Variants in CUX1 observed in about 807,000 individuals in gnomAD.
CUX1 encodes cut like homeobox 1.
In CUX1, 31 loss-of-function variants were observed where a neutral mutation model predicts 158.8. The ratio of observed to expected loss-of-function variants is 0.20; its 90% CI spans 0.15 to 0.26. CUX1 has a LOEUF of 0.26. CUX1 is among the 10% of genes least tolerant of loss of function. The pLI is 1.00. For synonymous variants in CUX1, 879 were observed against 862.1 expected, an observed-to-expected ratio of 1.02 and a Z score of -0.34; for missense variants, 1,589 against 2,014.6, an observed-to-expected ratio of 0.79 and a Z score of 4.04.
chr7:102,031,683 C>A (rs1265367526), intron 3 of CUX1, among the ~76,000 whole-genome samples: 2 of 152,044 alleles, frequency 1.3e-5, no homozygotes, highest in East Asian at 3.8e-4. Flanking sequence ...TTAAGGTATA[C>A]AACATGATGC....
intron 6 of CUX1, among the ~76,000 whole-genome samples, chr7:102,107,799 C>T (rs1459220880): frequency 6.6e-6 from 1 of 152,218 alleles, no homozygotes; most frequent in African/African-American, 2.4e-5. Flanking sequence ...TCTCTGCAGC[C>T]CTTGCCTCCC....
rs1317608241 is a variant in CUX1, at chr7:102,081,488, C to T, written c.268+11071C>T. On this transcript the variant is annotated intron_variant, in intron 4 of 23. Coordinates refer to ENST00000292535, the MANE Select transcript of CUX1 (RefSeq NM_181552.4). ...TATAAGTGTTTGGCAGTTCCACCTTCGCTCATCTCTCTCCTGCCACTTTGT... is the reference window on the plus strand; with the variant it reads ...TATAAGTGTTTGGCAGTTCCACCTTTGCTCATCTCTCTCCTGCCACTTTGT... 3.4e-5 allele frequency among the ~76,000 whole-genome samples: 5 copies of T among 146,916 alleles called. 1 individual carries two copies. Among genetic ancestry groups the T allele is most frequent in the Non-Finnish European group, 4.6e-5 (3 of 64,976 alleles).
chr7:101,985,526 ACCAGGAGAATGC>A (rs1267637205), intron 2 of CUX1, among the ~76,000 whole-genome samples: 2 of 152,224 alleles, frequency 1.3e-5, no homozygotes, highest in African/African-American at 2.4e-5. Context: ...TCCTAGAACA[ACCAGGAGAATGC>A]CGTGGAGACT....
chr7:101,927,924 G>A (rs368065629), intron 2 of CUX1, among the ~76,000 whole-genome samples: 18 of 152,162 alleles, frequency 1.2e-4, no homozygotes, highest in South Asian at 6.2e-4. Flanking sequence ...CTTTCCTTCC[G>A]GGAGCATCTC....
At chr7:102,280,199 C>G in intron 19 of CUX1, 1 of 968,440 alleles carries the variant, frequency 1.0e-6, no homozygotes, top group Non-Finnish European at 1.6e-6. Flanking sequence ...TCACTTGGCC[C>G]CTATCCCTGA....
chr7:102,098,706 T>G (rs1554485182), intron 5 of CUX1, among the ~76,000 whole-genome samples: 3 of 150,788 alleles, frequency 2.0e-5, no homozygotes, highest in African/African-American at 7.3e-5. Context: ...CAGTGCACGA[T>G]CTCGGCTCAC....
intron 20 of CUX1, among the ~76,000 whole-genome samples, chr7:102,210,525 T>G (rs182381236): frequency 3.3e-5 from 5 of 152,308 alleles, no homozygotes; most frequent in African/African-American, 1.2e-4. Context: ...CTTTGTAACT[T>G]TTTAATGTGG....
chr7:102,258,489 C>T (rs1790131756), downstream of CUX1, among the ~76,000 whole-genome samples: 1 of 152,216 alleles, frequency 6.6e-6, no homozygotes, highest in East Asian at 1.9e-4. Context: ...GCCTGCGTTC[C>T]TACTTGCTGT....
intron 8 of CUX1, among the ~76,000 whole-genome samples, chr7:102,137,915 C>A (rs1834067936): frequency 6.6e-6 from 1 of 152,012 alleles, no homozygotes; most frequent in Non-Finnish European, 1.5e-5. Context: ...GCCAAGCACA[C>A]TGGCTCACAC....
chr7:102,273,769 G>A (rs1278228744), intron 15 of CUX1, among the ~76,000 whole-genome samples: 2 of 152,266 alleles, frequency 1.3e-5, no homozygotes, highest in African/African-American at 4.8e-5. Context: ...CAGAGGCAGA[G>A]GCAAGGCCAG....
At chr7:102,079,002 TAGC>T (rs1433902822) in intron 4 of CUX1, among the ~76,000 whole-genome samples, 2 of 152,212 alleles carry the variant, frequency 1.3e-5, no homozygotes, top group Non-Finnish European at 2.9e-5. Flanking sequence ...GAGAATAAAA[TAGC>T]AGTCTGGTTC....
At chr7:101,864,465 A>AT (rs1374780078) in intron 1 of CUX1, among the ~76,000 whole-genome samples, 6 of 150,274 alleles carry the variant, frequency 4.0e-5, no homozygotes, top group Admixed American at 2.7e-4. Flanking sequence ...CCTAGCCTGG[A>AT]TTTTTTTCTT....
intron 20 of CUX1, among the ~76,000 whole-genome samples, chr7:102,225,452 T>A (rs1241169975): frequency 1.3e-5 from 2 of 152,220 alleles, no homozygotes; most frequent in Non-Finnish European, 2.9e-5. Context: ...AAATTGAAGT[T>A]AAGTTGCTGC....
chr7:101,987,547 C>T (rs1814485276), intron 2 of CUX1, among the ~76,000 whole-genome samples: 1 of 152,212 alleles, frequency 6.6e-6, no homozygotes, highest in Non-Finnish European at 1.5e-5. Flanking sequence ...GGAACCTTGA[C>T]CCCGGTGACT....
Position 102,250,590 on chromosome 7 carries a change from GC to G in CUX1, c.*1551del. 1.0e-6 allele frequency: 1 copy of G among 985,246 alleles called. No individual in the cohort carries two copies. The highest frequency in any genetic ancestry group is 1.2e-6 in the Non-Finnish European group (1 of 829,908). 61.0% of individuals were successfully genotyped at this position (985,246 alleles called of 1,614,324 possible). A position where few individuals can be genotyped will look rare whatever the true frequency, so the allele number is the denominator to read the frequency against. On this transcript the variant is annotated 3_prime_UTR_variant, in exon 24 of 24. Transcript: ENST00000292535. ...CCCCACTCCCATCCCTGTAGAAATGGCCCAAACTCACACCAAAACGTGGATG... is the reference window on the plus strand; with the variant it reads ...CCCCACTCCCATCCCTGTAGAAATGGCCAAACTCACACCAAAACGTGGATG...
At chr7:102,011,925 C>T (rs914601721) in intron 2 of CUX1, among the ~76,000 whole-genome samples, 3 of 152,038 alleles carry the variant, frequency 2.0e-5, no homozygotes, top group Non-Finnish European at 1.5e-5. Flanking sequence ...TCTCCAACCT[C>T]AGCCTCCCAA....
chr7:102,063,103 C>CTAAA (rs972681178), intron 3 of CUX1, among the ~76,000 whole-genome samples: 3 of 144,100 alleles, frequency 2.1e-5, no homozygotes, highest in Admixed American at 7.2e-5. Flanking sequence ...GATTCCGTCT[C>CTAAA]TAAATAAATA....
chr7:101,999,151 A>G (rs1449586427), intron 2 of CUX1, among the ~76,000 whole-genome samples: 1 of 149,862 alleles, frequency 6.7e-6, no homozygotes, highest in African/African-American at 2.5e-5. Flanking sequence ...CTGTGCTTCT[A>G]GAAGCAGCAG....
At chr7:101,851,037 A>T (rs762907100) in intron 1 of CUX1, among the ~76,000 whole-genome samples, 5 of 152,118 alleles carry the variant, frequency 3.3e-5, no homozygotes, top group Non-Finnish European at 7.4e-5. Context: ...TAAGCTGGGG[A>T]GGTCAAGGAT....
Sources: gnomAD v4.1 joint callset for allele counts (sites outside exome capture counted in the v4.1 genomes callset) on GRCh38, gnomAD v4.1.1 for gene constraint, MANE v1.5 for transcripts, NCBI Gene and HGNC (gene_info 2026-07-23, HGNC 2026-07-21) for gene names.